Variants in STX3 observed in about 807,000 individuals in gnomAD.
STX3 encodes the protein syntaxin-3.
STX3 carries 19 observed loss-of-function variants against 40.2 expected under a neutral mutation model. That is an observed-to-expected ratio of 0.47 (90% CI 0.33 to 0.69). STX3 has a LOEUF of 0.69. STX3 is among the 30% of genes least tolerant of loss of function. The pLI, the probability that STX3 is intolerant of heterozygous loss-of-function variation, is 0.02. For synonymous variants in STX3, 122 were observed against 132.2 expected, an observed-to-expected ratio of 0.92 and a Z score of 0.53; for missense variants, 364 against 366.7, an observed-to-expected ratio of 0.99 and a Z score of 0.06.
Position 59,802,404 on chromosome 11 carries a change from T to C in STX3, c.*1580T>C. The C allele has an allele frequency of 1.0e-6, 1 of 985,798 alleles. No homozygotes were observed. The highest frequency in any genetic ancestry group is 1.2e-6 in the Non-Finnish European group (1 of 829,958). 61.1% of individuals were successfully genotyped at this position (985,798 alleles called of 1,614,324 possible). The stretch of plus-strand genomic sequence containing the variant: ...TCTAGGATAGGGTAAGCACCCTTAA[T>C]TCAGGCACTGTCCATTAGCTTCCTT... On this transcript the variant is annotated 3_prime_UTR_variant, in exon 11 of 11. Coordinates refer to ENST00000337979, the MANE Select transcript of STX3 (RefSeq NM_004177.5).
chr11:59,759,589 C>T (rs948084037), intron 1 of STX3, among the ~76,000 whole-genome samples: 4 of 152,194 alleles, frequency 2.6e-5, no homozygotes, highest in Admixed American at 1.3e-4. Flanking sequence ...AGGCTTTGGA[C>T]TCCCTTGGAG....
At chr11:59,772,974 AACACACACAC>A (rs3035302) in intron 1 of STX3, among the ~76,000 whole-genome samples, 125 of 140,680 alleles carry the variant, frequency 8.9e-4, no homozygotes, top group South Asian at 7.1e-3. Context: ...CCCTGAAAGA[AACACACACAC>A]ACACACACAC....
At chr11:59,788,053 T>C (rs1305851873) in intron 3 of STX3, among the ~76,000 whole-genome samples, 1 of 152,202 alleles carries the variant, frequency 6.6e-6, no homozygotes, top group African/African-American at 2.4e-5. Context: ...TCTGTCTGGT[T>C]CCCCAGGCAT....
intron 8 of STX3, among the ~76,000 whole-genome samples, 155 bp from the exon 9 acceptor site, chr11:59,795,217 G>A (rs1865439363): frequency 6.6e-6 from 1 of 152,188 alleles, no homozygotes; most frequent in African/African-American, 2.4e-5. Flanking sequence ...CCACCACCAA[G>A]GACTGTGAAT....
Position 59,803,177 on chromosome 11 carries a change from TG to T in STX3, c.*2354del. On this transcript the variant is annotated 3_prime_UTR_variant, in exon 11 of 11. Coordinates refer to ENST00000337979, the MANE Select transcript of STX3 (RefSeq NM_004177.5). ...CCCTGCAGAATACTTTTTGCGATGA[TG>T]TTTCTCATGTATTCTTTCTTTCCTT... The T allele has an allele frequency of 4.1e-6, 5 of 1,231,662 alleles. No individual in the cohort carries two copies. The highest frequency in any genetic ancestry group is 5.1e-6 in the Non-Finnish European group (5 of 987,900). 76.3% of individuals were successfully genotyped at this position (1,231,662 alleles called of 1,614,324 possible). A position where few individuals can be genotyped will look rare whatever the true frequency, so the allele number is the denominator to read the frequency against.
chr11:59,772,128 T>C (rs919455379), intron 1 of STX3, among the ~76,000 whole-genome samples: 2 of 152,184 alleles, frequency 1.3e-5, no homozygotes, highest in African/African-American at 2.4e-5. Flanking sequence ...GAATTCTAAG[T>C]GTTCGAGAGT....
chr11:59,757,754 C>G (rs1461165044), intron 1 of STX3, among the ~76,000 whole-genome samples: 36 of 152,190 alleles, frequency 2.4e-4, no homozygotes, highest in Admixed American at 2.3e-3. Context: ...CGTCACTTCT[C>G]TGCTTCTCAA....
intron 2 of STX3, among the ~76,000 whole-genome samples, chr11:59,786,802 A>G (rs368161818): frequency 1.3e-5 from 2 of 152,126 alleles, no homozygotes; most frequent in African/African-American, 2.4e-5. Context: ...AAGTGGGTGA[A>G]TGTATTACTC....
intron 2 of STX3, among the ~76,000 whole-genome samples, chr11:59,778,294 C>T (rs918397562): frequency 3.9e-5 from 6 of 152,144 alleles, no homozygotes; most frequent in Admixed American, 3.9e-4. Flanking sequence ...AAGGGTGCAG[C>T]TAGAAAAGTC....
intron 2 of STX3, among the ~76,000 whole-genome samples, chr11:59,775,710 C>T (rs1863928888): frequency 6.6e-6 from 1 of 152,190 alleles, no homozygotes; most frequent in South Asian, 2.1e-4. Flanking sequence ...GATCACACAT[C>T]TGGGAAGGAT....
intron 1 of STX3, among the ~76,000 whole-genome samples, chr11:59,769,589 G>A (rs572980462): frequency 6.6e-6 from 1 of 152,288 alleles, no homozygotes; most frequent in Non-Finnish European, 1.5e-5. Flanking sequence ...CGACCAGGCT[G>A]CCTGGCTACA....
At chr11:59,755,992 C>T (rs903785286) in intron 1 of STX3, among the ~76,000 whole-genome samples, 1 of 152,218 alleles carries the variant, frequency 6.6e-6, no homozygotes, top group Non-Finnish European at 1.5e-5. Context: ...GACCAGCCTC[C>T]TTCTCCCTTT....
intron 1 of STX3, among the ~76,000 whole-genome samples, chr11:59,763,756 G>A (rs1242859071): frequency 2.6e-5 from 4 of 152,192 alleles, no homozygotes; most frequent in Non-Finnish European, 5.9e-5. Flanking sequence ...GGTGGCTCAT[G>A]CCTATAATCC....
chr11:59,784,988 T>C (rs903261826), intron 2 of STX3, among the ~76,000 whole-genome samples: 2 of 152,318 alleles, frequency 1.3e-5, no homozygotes, highest in South Asian at 2.1e-4. Flanking sequence ...GAGGGCACTA[T>C]TTGCATGCTG....
chr11:59,802,475 G>C lies in STX3; in HGVS notation c.*1651G>C. 1 of 985,864 alleles carries C rather than the reference G, an allele frequency of 1.0e-6. No individual in the cohort carries two copies. The highest frequency in any genetic ancestry group is 1.2e-6 in the Non-Finnish European group (1 of 829,940). 61.1% of individuals were successfully genotyped at this position (985,864 alleles called of 1,614,324 possible). On this transcript the variant is annotated 3_prime_UTR_variant, in exon 11 of 11. Transcript: ENST00000337979. The stretch of plus-strand genomic sequence containing the variant: ...GGTCACAATCCAGCACTCAGACAGA[G>C]CCAAGGCAATATCCTCTTGCCCATG...
At chr11:59,792,031 T>A (rs1454960399) in intron 5 of STX3, 76 bp from the exon 6 acceptor site, 4 of 1,141,944 alleles carry the variant, frequency 3.5e-6, no homozygotes, top group African/African-American at 1.5e-5. Flanking sequence ...TGTAGATGGC[T>A]ATGTGGGGGT....
At chr11:59,760,607 C>G (rs2134860678) in intron 1 of STX3, among the ~76,000 whole-genome samples, 1 of 152,272 alleles carries the variant, frequency 6.6e-6, no homozygotes, top group African/African-American at 2.4e-5. Flanking sequence ...TGAGCAGCTA[C>G]TATTGGACAG....
intron 1 of STX3, among the ~76,000 whole-genome samples, chr11:59,770,723 C>T (rs1397844104): frequency 6.6e-6 from 1 of 152,142 alleles, no homozygotes; most frequent in East Asian, 1.9e-4. Context: ...TGCCTGGTTA[C>T]AGGGTGAGCG....
intron 2 of STX3, among the ~76,000 whole-genome samples, chr11:59,778,778 A>G (rs1864156971): frequency 6.6e-6 from 1 of 151,262 alleles, no homozygotes; most frequent in African/African-American, 2.4e-5. Flanking sequence ...TCAGAGCAAC[A>G]CTTTCTAACA....
Sources: allele counts gnomAD v4.1 joint callset (sites outside exome capture counted in the v4.1 genomes callset), GRCh38; gene constraint gnomAD v4.1.1; transcripts MANE v1.5; gene names NCBI Gene and HGNC (gene_info 2026-07-23, HGNC 2026-07-21).